TRIP12: variants seen among roughly 807,000 people sequenced by gnomAD.
TRIP12 encodes thyroid hormone receptor interactor 12, also known as E3 ubiquitin-protein ligase TRIP12.
In TRIP12, 25 loss-of-function variants were observed where a neutral mutation model predicts 244.2. The observed-to-expected ratio is 0.10, with a 90% confidence interval of 0.07 to 0.14. The LOEUF (loss-of-function observed/expected upper bound fraction) is 0.14. TRIP12 is among the 10% of genes least tolerant of loss of function. TRIP12 has a pLI of 1.00. For missense variants in TRIP12, 1,677 were observed against 2,486.4 expected (o/e 0.67, Z 6.92); for synonymous variants, 905 against 873.1 (o/e 1.04, Z -0.64).
At chr2:229,821,867 C>A (rs1421604700) in intron 8 of TRIP12, among the ~76,000 whole-genome samples, 3 of 152,118 alleles carry the variant, frequency 2.0e-5, no homozygotes, top group Non-Finnish European at 4.4e-5. Flanking sequence ...GGGCCAGATA[C>A]CCTGGCTCAC....
chr2:229,868,917 A>G (rs1005083315), intron 2 of TRIP12, among the ~76,000 whole-genome samples: 4 of 152,196 alleles, frequency 2.6e-5, no homozygotes, highest in African/African-American at 4.8e-5. Flanking sequence ...ACCACTTGGA[A>G]GCACGTACTG....
At chr2:229,870,115 A>G (rs2062279572) in intron 2 of TRIP12, among the ~76,000 whole-genome samples, 1 of 152,254 alleles carries the variant, frequency 6.6e-6, no homozygotes, top group African/African-American at 2.4e-5. Context: ...GTAAAACTGT[A>G]TTAGAACAGA....
chr2:229,846,499 T>G (rs939024957), intron 4 of TRIP12, among the ~76,000 whole-genome samples: 3 of 152,202 alleles, frequency 2.0e-5, no homozygotes, highest in African/African-American at 4.8e-5. Context: ...GCATGCTTAC[T>G]AGATTACAGT....
intron 34 of TRIP12, among the ~76,000 whole-genome samples, 198 bp downstream of exon 34, chr2:229,785,559 T>C (rs956186319): frequency 1.3e-5 from 2 of 152,216 alleles, no homozygotes; most frequent in African/African-American, 2.4e-5. Context: ...AAATGTGTTC[T>C]TACGCCAGGA....
At chr2:229,832,767 C>CA (rs935009532) in intron 6 of TRIP12, among the ~76,000 whole-genome samples, 2 of 152,192 alleles carry the variant, frequency 1.3e-5, no homozygotes, top group Admixed American at 6.5e-5. Context: ...CTGTATGACT[C>CA]AAATATATTC....
Position 229,814,047 on chromosome 2 carries a change from C to A in TRIP12, c.1825-16G>T. On this transcript the variant is annotated splice_polypyrimidine_tract_variant and intron_variant, in intron 12 of 41. Coordinates refer to ENST00000675903, the MANE Select transcript of TRIP12 (RefSeq NM_001348323.3). ...CCAAACCACCCTAAAATATAGAAAA[C>A]TGTTAAGGTAAAGAAAAATCCTTTA... The A allele has an allele frequency of 1.3e-6, 2 of 1,559,662 alleles. No homozygotes were observed. The highest frequency in any genetic ancestry group is 1.7e-6 in the Non-Finnish European group (2 of 1,143,974).
At chr2:229,907,583 T>C (rs1010782643) in intron 1 of TRIP12, among the ~76,000 whole-genome samples, 4 of 152,160 alleles carry the variant, frequency 2.6e-5, no homozygotes, top group South Asian at 4.1e-4. Context: ...GGCAAGAAGA[T>C]TGCTTGAGGC....
At chr2:229,779,192 C>T (rs866913019) in intron 34 of TRIP12, among the ~76,000 whole-genome samples, 3 of 152,214 alleles carry the variant, frequency 2.0e-5, no homozygotes, top group South Asian at 2.1e-4. Flanking sequence ...ATTTCCTAGC[C>T]GCTAAGGCCC....
intron 1 of TRIP12, among the ~76,000 whole-genome samples, chr2:229,915,714 G>T (rs995093753): frequency 9.9e-5 from 15 of 151,234 alleles, no homozygotes; most frequent in Non-Finnish European, 1.8e-4. Flanking sequence ...AAAATTTTTT[G>T]AGACAGGGTC....
intron 1 of TRIP12, among the ~76,000 whole-genome samples, chr2:229,895,804 T>C (rs865802191): frequency 2.4e-4 from 36 of 152,142 alleles, no homozygotes; most frequent in Admixed American, 9.8e-4. Flanking sequence ...GGGACCTAAC[T>C]GAGCTCAAAC....
At chr2:229,875,370 G>A (rs935104799) in intron 2 of TRIP12, among the ~76,000 whole-genome samples, 4 of 152,204 alleles carry the variant, frequency 2.6e-5, no homozygotes, top group African/African-American at 9.7e-5. Context: ...AAAGAAGACA[G>A]CTTAATGCAG....
chr2:229,787,116 G>A (rs2040291555), intron 33 of TRIP12, among the ~76,000 whole-genome samples: 1 of 152,140 alleles, frequency 6.6e-6, no homozygotes, highest in Non-Finnish European at 1.5e-5. Context: ...ACTTGTTAAG[G>A]GAATGAAATG....
At chr2:229,871,579 T>G (rs1173241726) in intron 2 of TRIP12, among the ~76,000 whole-genome samples, 1 of 152,176 alleles carries the variant, frequency 6.6e-6, no homozygotes, top group Non-Finnish European at 1.5e-5. Flanking sequence ...TCTGCCGTGA[T>G]TTTAAGCTCC....
intron 1 of TRIP12, among the ~76,000 whole-genome samples, chr2:229,886,168 T>C (rs1259226442): frequency 6.6e-6 from 1 of 152,188 alleles, no homozygotes; most frequent in African/African-American, 2.4e-5. Context: ...TTGTATGGTA[T>C]ATTCGTAAGT....
intron 2 of TRIP12, among the ~76,000 whole-genome samples, chr2:229,877,423 C>A (rs2063808471): frequency 1.3e-5 from 2 of 152,046 alleles, no homozygotes; most frequent in Non-Finnish European, 2.9e-5. Context: ...CCAGCTACTA[C>A]TTGGGAGGCT....
intron 18 of TRIP12, among the ~76,000 whole-genome samples, chr2:229,804,491 T>C (rs2045319926): frequency 6.6e-6 from 1 of 152,226 alleles, no homozygotes; most frequent in South Asian, 2.1e-4. Context: ...CACCGCACTG[T>C]ACCTCTTTAT....
chr2:229,913,994 G>A (rs1181671778), intron 1 of TRIP12, among the ~76,000 whole-genome samples: 3 of 152,096 alleles, frequency 2.0e-5, no homozygotes, highest in African/African-American at 7.2e-5. Flanking sequence ...CAGGCCAGGC[G>A]CGGTGGCTCA....
chr2:229,813,787 A>AAAAAT (rs937209663), intron 13 of TRIP12, 83 bp downstream of exon 13: 17 of 1,049,528 alleles, frequency 1.6e-5, no homozygotes, highest in South Asian at 4.3e-5. Context: ...CCCATCTCAA[A>AAAAAT]AAAATAAAAT....
At chr2:229,912,988 C>T (rs2074623226) in intron 1 of TRIP12, among the ~76,000 whole-genome samples, 1 of 152,032 alleles carries the variant, frequency 6.6e-6, no homozygotes, top group Non-Finnish European at 1.5e-5. Context: ...GTAGCTGGGG[C>T]TACAGGCATG....
Sources: allele counts gnomAD v4.1 joint callset (sites outside exome capture counted in the v4.1 genomes callset), GRCh38; gene constraint gnomAD v4.1.1; transcripts MANE v1.5; gene names NCBI Gene and HGNC (gene_info 2026-07-23, HGNC 2026-07-21).